SDC2: variants seen among roughly 807,000 people sequenced by gnomAD.
SDC2 encodes the protein syndecan-2.
In SDC2, 13 loss-of-function variants were observed where a neutral mutation model predicts 22.2. The observed-to-expected ratio is 0.59, with a 90% CI of 0.38 to 0.93. The LOEUF (loss-of-function observed/expected upper bound fraction) is 0.93. Among genes scored for constraint, SDC2 ranks in the 40% least tolerant of loss-of-function variants. The pLI is 0.00. For synonymous variants in SDC2, 94 were observed against 92.8 expected (o/e 1.01, Z -0.07); for missense variants, 235 against 246.8 (o/e 0.95, Z 0.32).
intron 3 of SDC2, among the ~76,000 whole-genome samples, chr8:96,606,237 A>G (rs897328867): frequency 9.2e-5 from 14 of 151,984 alleles, no homozygotes; most frequent in African/African-American, 3.1e-4. Context: ...GATCCTCCAC[A>G]GGTACACAGC....
chr8:96,580,895 G>C (rs1240053948), intron 1 of SDC2, among the ~76,000 whole-genome samples: 2 of 152,146 alleles, frequency 1.3e-5, no homozygotes, highest in Non-Finnish European at 2.9e-5. Context: ...GTTGAATTTA[G>C]CATCACTTTT....
At chr8:96,604,638 C>T (rs954778933) in intron 3 of SDC2, among the ~76,000 whole-genome samples, 4 of 152,072 alleles carry the variant, frequency 2.6e-5, no homozygotes, top group African/African-American at 9.7e-5. Flanking sequence ...GTCACTGTTA[C>T]GGATATCCTA....
At chr8:96,542,795 C>T (rs1019762280) in intron 1 of SDC2, among the ~76,000 whole-genome samples, 1 of 152,204 alleles carries the variant, frequency 6.6e-6, no homozygotes, top group African/African-American at 2.4e-5. Context: ...AGTTTGCCTT[C>T]TGTCCAGCAT....
At chr8:96,598,342 CT>C (rs1214118896) in intron 2 of SDC2, among the ~76,000 whole-genome samples, 1 of 152,142 alleles carries the variant, frequency 6.6e-6, no homozygotes, top group African/African-American at 2.4e-5. Flanking sequence ...GAAAATAAGG[CT>C]GGGTGTGGTG....
At chr8:96,517,523 G>A (rs528267136) in intron 1 of SDC2, among the ~76,000 whole-genome samples, 63 of 152,042 alleles carry the variant, frequency 4.1e-4, no homozygotes, top group Non-Finnish European at 7.9e-4. Context: ...GTGGGGTTGG[G>A]GTACAGTTTA....
rs530923033 is a variant in SDC2 at position 96,517,978 on chromosome 8, G to A, written c.60+23647G>A. 1.3e-3 allele frequency among the ~76,000 whole-genome samples: 196 copies of A among 152,222 alleles called. 2 individuals carry two copies. The highest frequency in any genetic ancestry group is 2.6e-3 in the Non-Finnish European group (174 of 67,998). ...TAATTTAACAGGGATACAAAGAGCC[G>A]CAGAACGATTGGTTTGCTGTTGGTT... is the stretch of plus-strand genomic sequence containing the variant. On this transcript the variant is annotated intron_variant, in intron 1 of 4. Coordinates refer to ENST00000302190, the MANE Select transcript of SDC2 (RefSeq NM_002998.4).
At chr8:96,597,802 A>G (rs368465399) in intron 2 of SDC2, among the ~76,000 whole-genome samples, 28 of 152,214 alleles carry the variant, frequency 1.8e-4, no homozygotes, top group African/African-American at 6.0e-4. Flanking sequence ...CACTTAGTAC[A>G]TGGGAGAACA....
chr8:96,581,650 A>G (rs1454767981), intron 1 of SDC2, among the ~76,000 whole-genome samples: 2 of 151,030 alleles, frequency 1.3e-5, no homozygotes, highest in African/African-American at 4.9e-5. Context: ...AAAAAAAGGT[A>G]AAAGAGTACT....
intron 1 of SDC2, among the ~76,000 whole-genome samples, chr8:96,506,401 C>T (rs747989927): frequency 6.6e-6 from 1 of 151,810 alleles, no homozygotes; most frequent in Non-Finnish European, 1.5e-5. Context: ...CATATGTAAT[C>T]GGGTAAAAAG....
At chr8:96,548,167 T>C (rs1345512680) in intron 1 of SDC2, among the ~76,000 whole-genome samples, 3 of 152,236 alleles carry the variant, frequency 2.0e-5, no homozygotes, top group African/African-American at 7.2e-5. Context: ...ATATCTACTA[T>C]TTGCTAGGTG....
chr8:96,581,933 AG>A (rs1814596740), intron 1 of SDC2, among the ~76,000 whole-genome samples: 1 of 152,220 alleles, frequency 6.6e-6, no homozygotes, highest in Admixed American at 6.5e-5. Flanking sequence ...GCACACCAAC[AG>A]GAGTCCTTTC....
Position 96,593,547 on chromosome 8 carries a change from T to G in SDC2, c.128T>G (p.Val43Gly), listed in dbSNP as rs1382079514. The G allele has an allele frequency of 6.2e-7, 1 of 1,613,978 alleles. No individual in the cohort carries two copies. Among genetic ancestry groups the G allele is most frequent in the South Asian group, 1.1e-5 (1 of 91,078 alleles). Residue 43 changes from valine (V) to glycine (G), a missense_variant, in exon 2 of 5, where the codon GTG becomes GGG. Val to Gly is a moderately radical substitution (Grantham distance 109). Transcript: ENST00000302190. ...DNSSIEEASG[V>G]YPIDDDDYAS... ...AGCTCCATTGAAGAAGCTTCAGGAG[T>G]GTATCCTATTGATGACGATGACTAC...
At chr8:96,594,348 T>A (rs865959792) in intron 2 of SDC2, among the ~76,000 whole-genome samples, 1 of 152,142 alleles carries the variant, frequency 6.6e-6, no homozygotes, top group African/African-American at 2.4e-5. Flanking sequence ...CGGGTACTCA[T>A]ATCCCTGGGG....
In SDC2 at chr8:96,569,124, C is replaced by T. The variant is rs138029340; in HGVS notation, c.61-24356C>T. 1.8e-3 allele frequency among the ~76,000 whole-genome samples: 267 copies of T among 152,328 alleles called. 1 individual carries two copies. Among genetic ancestry groups the T allele is most frequent in the African/African-American group, 5.8e-3 (241 of 41,580 alleles). ...TCCTAGGCTCAAGTGATCCTCCTCT[C>T]AGCCTCCCGAGTAGCTAGGACTGCA... On this transcript the variant is annotated intron_variant, in intron 1 of 4. Coordinates refer to ENST00000302190, the MANE Select transcript of SDC2 (RefSeq NM_002998.4).
chr8:96,584,204 A>G (rs182718644), intron 1 of SDC2, among the ~76,000 whole-genome samples: 109 of 152,294 alleles, frequency 7.2e-4, no homozygotes, highest in African/African-American at 2.2e-3. Flanking sequence ...TGGAAATTCT[A>G]TCCATTGACT....
intron 1 of SDC2, among the ~76,000 whole-genome samples, chr8:96,534,689 G>C (rs140298526): frequency 2.0e-5 from 3 of 151,598 alleles, no homozygotes; most frequent in African/African-American, 7.3e-5. Context: ...TTCCTACCTC[G>C]GCCTCCAAGA....
chr8:96,575,537 A>G (rs1586308970), intron 1 of SDC2, among the ~76,000 whole-genome samples: 1 of 152,200 alleles, frequency 6.6e-6, no homozygotes, highest in African/African-American at 2.4e-5. Flanking sequence ...TAATATATTA[A>G]TATACAATAC....
chr8:96,563,826 G>C (rs953965714), intron 1 of SDC2, among the ~76,000 whole-genome samples: 1 of 152,214 alleles, frequency 6.6e-6, no homozygotes, highest in African/African-American at 2.4e-5. Flanking sequence ...CTTGGTGCCA[G>C]CTGACAGGCC....
chr8:96,531,108 G>C (rs374785886), intron 1 of SDC2, among the ~76,000 whole-genome samples: 1 of 152,328 alleles, frequency 6.6e-6, no homozygotes, highest in South Asian at 2.1e-4. Flanking sequence ...GTTGGGAACT[G>C]TGATCTAACC....
Sources: gnomAD v4.1 joint callset for allele counts (sites outside exome capture counted in the v4.1 genomes callset) on GRCh38, gnomAD v4.1.1 for gene constraint, MANE v1.5 for transcripts, NCBI Gene and HGNC (gene_info 2026-07-23, HGNC 2026-07-21) for gene names.